RAPGEF5: variants seen among roughly 807,000 people sequenced by gnomAD.
RAPGEF5 encodes the protein M-Ras-regulated GEF.
RAPGEF5 carries 65 observed loss-of-function variants against 125.2 expected under a neutral mutation model. That is an observed-to-expected ratio of 0.52 (90% confidence interval 0.43 to 0.64). The LOEUF is 0.64. RAPGEF5 is among the 30% of genes least tolerant of loss of function. RAPGEF5 has a pLI of 0.00. For synonymous variants in RAPGEF5, 391 were observed against 385.9 expected, an observed-to-expected ratio of 1.01 and a Z score of -0.16; for missense variants, 958 against 1,048.1, an observed-to-expected ratio of 0.91 and a Z score of 1.19.
intron 9 of RAPGEF5, among the ~76,000 whole-genome samples, chr7:22,203,812 A>G (rs1381424156): frequency 6.6e-6 from 1 of 152,210 alleles, no homozygotes. Flanking sequence ...GTCAACGGGC[A>G]ACTGAGGCAT....
intron 6 of RAPGEF5, among the ~76,000 whole-genome samples, chr7:22,270,554 G>C (rs1248992891): frequency 6.6e-6 from 1 of 152,162 alleles, no homozygotes; most frequent in African/African-American, 2.4e-5. Context: ...ACCATGTTCT[G>C]ATACTGGCCA....
At chr7:22,140,984 G>A (rs1783240615) in intron 20 of RAPGEF5, among the ~76,000 whole-genome samples, 1 of 152,182 alleles carries the variant, frequency 6.6e-6, no homozygotes, top group South Asian at 2.1e-4. Flanking sequence ...AGTAAGCAGA[G>A]CGTGTATCAG....
chr7:22,343,758 G>A (rs1472441183), intron 1 of RAPGEF5, among the ~76,000 whole-genome samples: 1 of 152,072 alleles, frequency 6.6e-6, no homozygotes, highest in Non-Finnish European at 1.5e-5. Flanking sequence ...TATCCTATTC[G>A]ACTATTTGTT....
At chr7:22,350,269 G>C (rs1051156244) in intron 1 of RAPGEF5, among the ~76,000 whole-genome samples, 2 of 152,178 alleles carry the variant, frequency 1.3e-5, no homozygotes, top group Non-Finnish European at 2.9e-5. Flanking sequence ...AAGAGAAAGT[G>C]CAAGTATGAA....
intron 9 of RAPGEF5, among the ~76,000 whole-genome samples, chr7:22,202,511 T>C (rs1785302511): frequency 6.6e-6 from 1 of 152,164 alleles, no homozygotes; most frequent in Non-Finnish European, 1.5e-5. Flanking sequence ...CTAAAAAAGA[T>C]GATAAAGGCC....
At chr7:22,197,697 G>A (rs1442662750) in intron 9 of RAPGEF5, among the ~76,000 whole-genome samples, 4 of 152,006 alleles carry the variant, frequency 2.6e-5, no homozygotes, top group Non-Finnish European at 4.4e-5. Flanking sequence ...TCCCCGCCTT[G>A]CCCAAGCTCA....
At chr7:22,194,816 G>A (rs924355524) in intron 9 of RAPGEF5, 16 of 952,494 alleles carry the variant, frequency 1.7e-5, no homozygotes, top group Non-Finnish European at 1.9e-5. Context: ...AGTGTGGCCC[G>A]CTGACGTGGC....
In RAPGEF5 at chr7:22,157,201, C is replaced by T. The variant is rs117586505; in HGVS notation, c.1558-313G>A. On this transcript the variant is annotated intron_variant, in intron 15 of 25. Coordinates refer to ENST00000665637, the MANE Select transcript of RAPGEF5 (RefSeq NM_012294.5). ...GAGTCTCCTGAGATAAACATCATTT[C>T]CCCATTCCAACATTAACCTATAAGG... Among the ~76,000 whole-genome samples the T allele has an allele frequency of 2.3e-3, 346 of 152,308 alleles. 12 individuals are homozygous for T. The East Asian group carries it at 0.059, about 26-fold the overall frequency.
At chr7:22,321,784 A>G (rs1192483274) in intron 1 of RAPGEF5, among the ~76,000 whole-genome samples, 1 of 152,232 alleles carries the variant, frequency 6.6e-6, no homozygotes, top group Non-Finnish European at 1.5e-5. Flanking sequence ...AGGAAGATAA[A>G]AAGCCACATA....
chr7:22,249,905 A>C (rs900807178), intron 7 of RAPGEF5, among the ~76,000 whole-genome samples: 1 of 152,242 alleles, frequency 6.6e-6, no homozygotes, highest in African/African-American at 2.4e-5. Flanking sequence ...CATGAGGTAC[A>C]GCCCAGGAAT....
chr7:22,278,241 GATCT>G (rs1448383243), intron 6 of RAPGEF5, among the ~76,000 whole-genome samples: 11 of 151,906 alleles, frequency 7.2e-5, no homozygotes, highest in African/African-American at 2.7e-4. Flanking sequence ...CAAGTCTTAC[GATCT>G]ATCTAGAATG....
At position 22,132,706 on chromosome 7, in the gene RAPGEF5, G is replaced by A. The variant is rs373295881; in HGVS notation, c.2417-1605C>T. ...TTAGTCCATTTCCCCTGCATTACAG[G>A]TTTATCCCTCACCTGCCCCTCACCC... On this transcript the variant is annotated intron_variant, in intron 23 of 25. Transcript: ENST00000665637. Among the ~76,000 whole-genome samples the A allele has an allele frequency of 6.6e-5, 10 of 152,258 alleles. No homozygotes were observed. The East Asian group carries it at 1.2e-3, about 18-fold the overall frequency.
chr7:22,297,558 G>A (rs1312222532), intron 5 of RAPGEF5, among the ~76,000 whole-genome samples: 1 of 152,106 alleles, frequency 6.6e-6, no homozygotes, highest in Non-Finnish European at 1.5e-5. Context: ...TATAAAATGA[G>A]ACTGATCATC....
chr7:22,128,100 T>C (rs1321376242), intron 24 of RAPGEF5, among the ~76,000 whole-genome samples: 1 of 152,142 alleles, frequency 6.6e-6, no homozygotes, highest in Non-Finnish European at 1.5e-5. Context: ...TGTGCAAGGC[T>C]CAAACTGATG....
At chr7:22,343,273 G>T (rs1363739295) in intron 1 of RAPGEF5, among the ~76,000 whole-genome samples, 1 of 152,008 alleles carries the variant, frequency 6.6e-6, no homozygotes, top group Non-Finnish European at 1.5e-5. Flanking sequence ...CCATGATTCG[G>T]TTACCTCCCA....
chr7:22,228,583 C>T (rs1785976884), intron 8 of RAPGEF5, among the ~76,000 whole-genome samples: 1 of 152,090 alleles, frequency 6.6e-6, no homozygotes, highest in South Asian at 2.1e-4. Context: ...TTTTGGCTCA[C>T]TGAAACCTCC....
At chr7:22,246,613 T>A (rs892873317) in intron 7 of RAPGEF5, among the ~76,000 whole-genome samples, 2 of 152,076 alleles carry the variant, frequency 1.3e-5, no homozygotes, top group Non-Finnish European at 2.9e-5. Flanking sequence ...GACGTCAAAC[T>A]ATAAGAATAC....
intron 6 of RAPGEF5, among the ~76,000 whole-genome samples, chr7:22,290,479 C>T (rs763767305): frequency 4.6e-5 from 7 of 152,220 alleles, no homozygotes; most frequent in Non-Finnish European, 8.8e-5. Flanking sequence ...GGCGCGGTGG[C>T]TCACGCCTGT....
intron 5 of RAPGEF5, among the ~76,000 whole-genome samples, chr7:22,294,300 C>T (rs1450975344): frequency 6.6e-6 from 1 of 152,156 alleles, no homozygotes; most frequent in Admixed American, 6.5e-5. Flanking sequence ...GGGTTTATGC[C>T]AACAGATGCT....
Sources: allele counts gnomAD v4.1 joint callset (sites outside exome capture counted in the v4.1 genomes callset), GRCh38; gene constraint gnomAD v4.1.1; transcripts MANE v1.5; gene names NCBI Gene and HGNC (gene_info 2026-07-23, HGNC 2026-07-21).